Variants in LDLRAD3 observed in about 807,000 individuals in gnomAD.
The protein encoded by LDLRAD3 is low density lipoprotein receptor class A domain containing 3.
In LDLRAD3, 20 loss-of-function variants were observed where a neutral mutation model predicts 29.4. The ratio of observed to expected loss-of-function variants is 0.68; its 90% confidence interval spans 0.48 to 0.99. LDLRAD3 has a LOEUF of 0.99. Ranked by LOEUF, LDLRAD3 falls within the 50% of genes least tolerant of loss-of-function variation. The pLI is 0.00. For missense variants in LDLRAD3, 420 were observed against 454.3 expected, an observed-to-expected ratio of 0.92 and a Z score of 0.69; for synonymous variants, 157 against 192.7, an observed-to-expected ratio of 0.81 and a Z score of 1.53.
intron 4 of LDLRAD3, among the ~76,000 whole-genome samples, chr11:36,189,133 C>G (rs1854900893): frequency 6.6e-6 from 1 of 152,160 alleles, no homozygotes; most frequent in African/African-American, 2.4e-5. Flanking sequence ...GCATTGTCTA[C>G]TTGCAGAATT....
intron 4 of LDLRAD3, among the ~76,000 whole-genome samples, chr11:36,104,124 C>T (rs910530333): frequency 6.6e-6 from 1 of 152,210 alleles, no homozygotes; most frequent in African/African-American, 2.4e-5. Context: ...CTAGCTCTCT[C>T]CCACTCTTGA....
intron 4 of LDLRAD3, among the ~76,000 whole-genome samples, chr11:36,145,563 AG>A (rs796294085): frequency 0.18 from 26,867 of 150,622 alleles, 2,837 homozygotes; most frequent in East Asian, 0.32. Flanking sequence ...TGGAATAGAA[AG>A]GGGGGAAAAG....
At chr11:36,066,871 A>T (rs1322755395) in intron 2 of LDLRAD3, among the ~76,000 whole-genome samples, 1 of 152,226 alleles carries the variant, frequency 6.6e-6, no homozygotes, top group Admixed American at 6.5e-5. Flanking sequence ...TCTTCAGAAA[A>T]AACAAATCTG....
chr11:36,162,936 A>G (rs1590321933), intron 4 of LDLRAD3, among the ~76,000 whole-genome samples: 1 of 152,334 alleles, frequency 6.6e-6, no homozygotes, highest in East Asian at 1.9e-4. Flanking sequence ...ACAAGGGCTC[A>G]GCAGCTGTGA....
intron 1 of LDLRAD3, among the ~76,000 whole-genome samples, chr11:36,020,503 T>C (rs188848908): frequency 6.6e-6 from 1 of 152,062 alleles, no homozygotes; most frequent in African/African-American, 2.4e-5. Flanking sequence ...TTTCCCTCCT[T>C]CTTTTTCTCT....
In LDLRAD3 at chr11:36,105,205, TTGTGTG is replaced by T. The variant is rs10565208; in HGVS notation, c.454+6773_454+6778del. ...CTTTGTCCTGTTCCTTCTGCAGAATTTGTGTGTGTGTGTGTGTGTGTGTGTGTGTGT... is the reference window on the plus strand; with the variant it reads ...CTTTGTCCTGTTCCTTCTGCAGAATTTGTGTGTGTGTGTGTGTGTGTGTGT... On this transcript the variant is annotated intron_variant, in intron 4 of 5. Transcript: ENST00000315571. Among the ~76,000 whole-genome samples the T allele has an allele frequency of 1.2e-3, 166 of 138,536 alleles. 1 individual carries two copies. In the South Asian group the frequency reaches 0.019, roughly 16 times the overall value. 90.9% of individuals were successfully genotyped at this position (138,536 alleles called of 152,430 possible). A position where few individuals can be genotyped will look rare whatever the true frequency, so the allele number is the denominator to read the frequency against.
chr11:35,961,684 G>C (rs1215430320), intron 1 of LDLRAD3, among the ~76,000 whole-genome samples: 1 of 152,166 alleles, frequency 6.6e-6, no homozygotes, highest in Non-Finnish European at 1.5e-5. Context: ...GCTTTGGTTT[G>C]TACAGCAGGC....
At chr11:36,215,578 ACTGGAGCCCAAGAGCCCAGTGT>A (rs1376980743) in intron 4 of LDLRAD3, among the ~76,000 whole-genome samples, 1 of 152,088 alleles carries the variant, frequency 6.6e-6, no homozygotes, top group Non-Finnish European at 1.5e-5. Context: ...CTGCACTGGG[ACTGGAGCCCAAGAGCCCAGTGT>A]CTGGAGAACA....
rs139256149 is a variant in LDLRAD3, at chr11:35,944,938, G to A, written c.46+794G>A. ...CTCTTTCCCTTCCAGACAGCGTGCTGTTCCCAGGAACTTTTCTGCTGATGT... is the reference window on the plus strand; with the variant it reads ...CTCTTTCCCTTCCAGACAGCGTGCTATTCCCAGGAACTTTTCTGCTGATGT... On this transcript the variant is annotated intron_variant, in intron 1 of 5. Coordinates refer to ENST00000315571, the MANE Select transcript of LDLRAD3 (RefSeq NM_174902.4). This position sits in a 1 kb window ranked among gnomAD's most constrained non-coding sequence, Gnocchi z 4.9. 4.4e-4 allele frequency among the ~76,000 whole-genome samples: 67 copies of A among 152,332 alleles called. 1 individual carries two copies. In the East Asian group the frequency reaches 0.012, roughly 27 times the overall value.
At chr11:36,105,730 TC>T (rs1853519810) in intron 4 of LDLRAD3, among the ~76,000 whole-genome samples, 1 of 152,094 alleles carries the variant, frequency 6.6e-6, no homozygotes, top group African/African-American at 2.4e-5. Context: ...GAACAGATTC[TC>T]TCTCGCAGCC....
chr11:36,076,546 C>T (rs997615387), intron 2 of LDLRAD3, among the ~76,000 whole-genome samples: 7 of 152,104 alleles, frequency 4.6e-5, no homozygotes, highest in South Asian at 4.2e-4. Context: ...CCACCACGCC[C>T]GGCTAATTTT....
intron 4 of LDLRAD3, among the ~76,000 whole-genome samples, chr11:36,215,720 C>T (rs1855343761): frequency 6.6e-6 from 1 of 152,144 alleles, no homozygotes; most frequent in African/African-American, 2.4e-5. Flanking sequence ...TGAATTTGTT[C>T]ATGGTGGATA....
chr11:36,100,654 G>A (rs1485983477), intron 4 of LDLRAD3, among the ~76,000 whole-genome samples: 1 of 152,174 alleles, frequency 6.6e-6, no homozygotes, highest in African/African-American at 2.4e-5. Context: ...GGCCAGGATG[G>A]TCTTGATCTC....
At chr11:36,027,697 G>T (rs1304783155) in intron 1 of LDLRAD3, among the ~76,000 whole-genome samples, 2 of 152,258 alleles carry the variant, frequency 1.3e-5, no homozygotes, top group Non-Finnish European at 1.5e-5. Context: ...CTATCGAATG[G>T]TTCCCAGTGG....
chr11:36,224,734 A>G (rs1296315491), intron 4 of LDLRAD3, among the ~76,000 whole-genome samples: 1 of 152,134 alleles, frequency 6.6e-6, no homozygotes, highest in Non-Finnish European at 1.5e-5. Flanking sequence ...CTTGAAGGGG[A>G]AGGTCCTCAT....
At chr11:36,199,600 T>C (rs866369353) in intron 4 of LDLRAD3, among the ~76,000 whole-genome samples, 1,798 of 145,882 alleles carry the variant, frequency 0.012, 41 homozygotes, top group African/African-American at 0.044. Flanking sequence ...CACGCACGCG[T>C]GCGCGCACAC....
chr11:35,969,197 T>G (rs900323473), intron 1 of LDLRAD3, among the ~76,000 whole-genome samples: 2 of 152,304 alleles, frequency 1.3e-5, no homozygotes, highest in East Asian at 3.9e-4. Context: ...TCACTTCATG[T>G]CCATGGAGGC....
intron 4 of LDLRAD3, among the ~76,000 whole-genome samples, chr11:36,226,688 C>A (rs1363517506): frequency 1.3e-5 from 2 of 152,158 alleles, no homozygotes; most frequent in African/African-American, 4.8e-5. Context: ...GACTGTTAAT[C>A]CCCATTCTCT....
intron 4 of LDLRAD3, among the ~76,000 whole-genome samples, chr11:36,159,602 T>C (rs1200022590): frequency 1.7e-5 from 1 of 58,468 alleles, no homozygotes; most frequent in African/African-American, 5.9e-5. Context: ...TTACAGAAAC[T>C]AAAAAAAAAA....
Sources: allele counts gnomAD v4.1 joint callset (sites outside exome capture counted in the v4.1 genomes callset), GRCh38; gene constraint gnomAD v4.1.1; non-coding constraint Gnocchi (gnomAD v3.1); transcripts MANE v1.5; gene names NCBI Gene and HGNC (gene_info 2026-07-23, HGNC 2026-07-21).